Variants in SDK1 observed in about 807,000 individuals in gnomAD.
SDK1 encodes the protein sidekick cell adhesion molecule 1, also known as protein sidekick-1.
Under a neutral mutation model 245.5 loss-of-function variants are expected in SDK1, and 157 were observed. The observed-to-expected ratio is 0.64, with a 90% CI of 0.56 to 0.73. The LOEUF (loss-of-function observed/expected upper bound fraction) is 0.73. SDK1 is among the 30% of genes least tolerant of loss of function. The pLI is 0.00. For missense variants in SDK1, 3,583 were observed against 3,002.3 expected, an observed-to-expected ratio of 1.19 and a Z score of -4.52; for synonymous variants, 1,647 against 1,278.5, an observed-to-expected ratio of 1.29 and a Z score of -6.15.
At chr7:4,091,262 C>G (rs1781770745) in intron 22 of SDK1, among the ~76,000 whole-genome samples, 1 of 151,714 alleles carries the variant, frequency 6.6e-6, no homozygotes, top group African/African-American at 2.4e-5. Flanking sequence ...GGCAATGATC[C>G]TTACTGGGGC....
intron 1 of SDK1, among the ~76,000 whole-genome samples, chr7:3,558,381 A>G (rs997043532): frequency 2.0e-5 from 3 of 152,224 alleles, no homozygotes; most frequent in African/African-American, 4.8e-5. Context: ...CAGTGGAATC[A>G]TTGGTGGTTT....
rs534451047 is a variant in SDK1 at position 3,931,960 on chromosome 7, A to G, written c.848-18963A>G. Reference sequence around the variant, plus strand: ...TTCATGCTGGGCATCACCCTGCTTTAAAACGGCATGAGTTGCTGGGTGCCT... The same window carrying G: ...TTCATGCTGGGCATCACCCTGCTTTGAAACGGCATGAGTTGCTGGGTGCCT... On this transcript the variant is annotated intron_variant, in intron 5 of 44. Transcript: ENST00000404826. 2.0e-5 allele frequency among the ~76,000 whole-genome samples: 3 copies of G among 152,314 alleles called. No homozygotes were observed. In the South Asian group the frequency reaches 6.2e-4, roughly 32 times the overall value.
At chr7:3,979,784 C>G (rs894122251) in intron 13 of SDK1, among the ~76,000 whole-genome samples, 5 of 152,210 alleles carry the variant, frequency 3.3e-5, no homozygotes, top group Non-Finnish European at 5.9e-5. Context: ...TTCCCCAAAG[C>G]ATCTTCCTGT....
At chr7:4,042,731 G>A (rs1180462124) in intron 17 of SDK1, among the ~76,000 whole-genome samples, 1 of 152,338 alleles carries the variant, frequency 6.6e-6, no homozygotes, top group East Asian at 1.9e-4. Flanking sequence ...GTTGGACTAA[G>A]CCCTTGTCGT....
intron 14 of SDK1, among the ~76,000 whole-genome samples, chr7:3,993,585 T>C (rs1583763486): frequency 6.6e-6 from 1 of 152,220 alleles, no homozygotes; most frequent in Non-Finnish European, 1.5e-5. Context: ...GCATGCTGAT[T>C]AATAAAAATT....
Position 3,830,610 on chromosome 7 carries a change from C to A in SDK1, c.847+9027C>A, listed in dbSNP as rs182351875. Among the ~76,000 whole-genome samples the A allele has an allele frequency of 1.8e-3, 276 of 152,242 alleles. 5 individuals carry two copies. The South Asian group carries it at 0.028, about 16-fold the overall frequency. Reference sequence around the variant, plus strand: ...TCCTGGGCTCAAGCGATCCTCCCACCCCAGCCTCCTGATTAGCTGGGACTG... The same window carrying A: ...TCCTGGGCTCAAGCGATCCTCCCACACCAGCCTCCTGATTAGCTGGGACTG... On this transcript the variant is annotated intron_variant, in intron 5 of 44. Transcript: ENST00000404826.
At chr7:3,894,406 C>T (rs547419812) in intron 5 of SDK1, among the ~76,000 whole-genome samples, 2 of 151,902 alleles carry the variant, frequency 1.3e-5, no homozygotes, top group South Asian at 4.2e-4. Context: ...ACTGGAAGCT[C>T]CTGACAGCCT....
At chr7:3,676,571 C>T (rs887384224) in intron 4 of SDK1, among the ~76,000 whole-genome samples, 7 of 151,854 alleles carry the variant, frequency 4.6e-5, no homozygotes, top group African/African-American at 9.7e-5. Flanking sequence ...GTGATCTGCC[C>T]ACCTTGGCCT....
chr7:3,623,138 G>A (rs10951264), intron 2 of SDK1, among the ~76,000 whole-genome samples: 98,649 of 151,890 alleles, frequency 0.65, 32,355 homozygotes, highest in South Asian at 0.78. Flanking sequence ...TGCTAACCCT[G>A]TAAAGAGCAA....
intron 5 of SDK1, among the ~76,000 whole-genome samples, chr7:3,842,373 T>C (rs1052195566): frequency 1.3e-5 from 2 of 152,150 alleles, no homozygotes; most frequent in Non-Finnish European, 2.9e-5. Context: ...CGTACTGGCC[T>C]GGGTACTGGG....
intron 40 of SDK1, among the ~76,000 whole-genome samples, chr7:4,224,357 G>A (rs372954042): frequency 3.9e-5 from 6 of 152,230 alleles, no homozygotes; most frequent in Non-Finnish European, 7.3e-5. Context: ...ACAGGGAGCC[G>A]GCACGCCACA....
intron 44 of SDK1, among the ~76,000 whole-genome samples, chr7:4,247,570 C>T (rs117407503): frequency 0.018 from 2,729 of 152,360 alleles, 55 homozygotes; most frequent in South Asian, 0.1. Flanking sequence ...CAAAGAGGCT[C>T]ATCTCACAGC....
intron 1 of SDK1, among the ~76,000 whole-genome samples, chr7:3,454,802 C>T (rs1362215380): frequency 1.3e-5 from 2 of 152,136 alleles, no homozygotes; most frequent in Non-Finnish European, 2.9e-5. Context: ...AATTTCCATG[C>T]AGGTTTTTGT....
chr7:3,604,400 T>C (rs1341406022), intron 1 of SDK1, among the ~76,000 whole-genome samples: 1 of 152,118 alleles, frequency 6.6e-6, no homozygotes, highest in Admixed American at 6.5e-5. Flanking sequence ...TTTCCTTCTT[T>C]TGAGGTAGGA....
chr7:3,387,135 A>G (rs1017741557), intron 1 of SDK1, among the ~76,000 whole-genome samples: 17 of 152,302 alleles, frequency 1.1e-4, no homozygotes, highest in African/African-American at 3.6e-4. Context: ...GTGCTAGGGC[A>G]TGATTTCAGG....
chr7:4,139,603 A>ATGTGTGTATATG lies in SDK1; in HGVS notation c.4229-6112_4229-6111insATATGTGTGTGT, dbSNP rs1779387636. ...TGTGTATGTGTGTGTATATGTATATATGTGTGTGTATATGTGTGTGTGTAT... is the reference window on the plus strand; with the variant it reads ...TGTGTATGTGTGTGTATATGTATATATGTGTGTATATGTGTGTGTGTATATGTGTGTGTGTAT... On this transcript the variant is annotated intron_variant, in intron 28 of 44. Transcript: ENST00000404826. Among the ~76,000 whole-genome samples, 6 of 31,222 alleles carry ATGTGTGTATATG rather than the reference A, an allele frequency of 1.9e-4. 1 individual carries two copies. The highest frequency in any genetic ancestry group is 3.4e-4 in the African/African-American group (2 of 5,932). 20.5% of individuals were successfully genotyped at this position (31,222 alleles called of 152,430 possible).
intron 1 of SDK1, among the ~76,000 whole-genome samples, chr7:3,511,015 G>A (rs1217647240): frequency 6.6e-6 from 1 of 152,144 alleles, no homozygotes; most frequent in East Asian, 1.9e-4. Flanking sequence ...GTAGGGGGAC[G>A]AGGGTGAAAA....
At chr7:4,100,197 G>T (rs543907033) in intron 22 of SDK1, among the ~76,000 whole-genome samples, 1 of 152,226 alleles carries the variant, frequency 6.6e-6, no homozygotes, top group Admixed American at 6.5e-5. Flanking sequence ...CCTTGAGAGG[G>T]ATCAGATCTG....
At chr7:4,010,025 C>A (rs952130403) in intron 14 of SDK1, among the ~76,000 whole-genome samples, 1 of 152,320 alleles carries the variant, frequency 6.6e-6, no homozygotes, top group South Asian at 2.1e-4. Flanking sequence ...AAAGCATGTG[C>A]CACCTCTTTC....
Sources: gnomAD v4.1 joint callset for allele counts (sites outside exome capture counted in the v4.1 genomes callset) on GRCh38, gnomAD v4.1.1 for gene constraint, MANE v1.5 for transcripts, NCBI Gene and HGNC (gene_info 2026-07-23, HGNC 2026-07-21) for gene names.